The following XG variants were observed in gnomAD, a reference collection of about 807,000 sequenced individuals.
The protein encoded by XG is glycoprotein Xg.
Under a neutral mutation model 25.7 loss-of-function variants are expected in XG, and 24 were observed. That is an observed-to-expected ratio of 0.93 (90% CI 0.68 to 1.31). The LOEUF (loss-of-function observed/expected upper bound fraction) is 1.31. Among genes scored for constraint, XG ranks in the 40% most tolerant of loss-of-function variants. XG has a pLI of 0.00. For synonymous variants in XG, 77 were observed against 69.2 expected (o/e 1.11, Z -0.56); for missense variants, 181 against 187.6 (o/e 0.96, Z 0.21).
At chrX:2,801,943 G>C (rs906005572) in intron 7 of XG, among the ~76,000 whole-genome samples, 1 of 110,743 alleles carries the variant, frequency 9.0e-6, no homozygotes, top group African/African-American at 3.3e-5. Flanking sequence ...TCCTGACCTC[G>C]TGATCCGCCC....
At chrX:2,768,817 G>C (rs2050753925) in intron 1 of XG, among the ~76,000 whole-genome samples, 2 of 152,168 alleles carry the variant, frequency 1.3e-5, no homozygotes, top group South Asian at 4.1e-4. Context: ...AATAAGAAGA[G>C]AGCTGGATGG....
At chrX:2,809,085 T>A (rs1268269759) in intron 9 of XG, among the ~76,000 whole-genome samples, 2 of 110,917 alleles carry the variant, frequency 1.8e-5, no homozygotes, top group Non-Finnish European at 3.8e-5. Flanking sequence ...GGAGGTAGGG[T>A]TTCCTGGAGA....
intron 6 of XG, 111 bp from the exon 7 acceptor site, chrX:2,797,199 C>T (rs900176207): frequency 2.9e-4 from 228 of 791,570 alleles, no homozygotes; most frequent in Non-Finnish European, 4.0e-4. Flanking sequence ...GGCAGTGACA[C>T]GTTCACACGA....
At chrX:2,752,403 C>T in intron 1 of XG, 68 bp downstream of exon 1, 4 of 1,609,410 alleles carry the variant, frequency 2.5e-6, no homozygotes, top group African/African-American at 1.3e-5. Context: ...CTTTAAGAAA[C>T]TCTTTCCAAA....
At chrX:2,814,264 T>A (rs911141488) in intron 10 of XG, 100 bp from the exon 11 acceptor site, 8 of 1,015,930 alleles carry the variant, frequency 7.9e-6, no homozygotes, top group Non-Finnish European at 1.1e-5. Flanking sequence ...AAGAGTCTCT[T>A]GTAACAGCAT....
At chrX:2,796,468 ATGTGTG>A (rs200727930) in intron 6 of XG, among the ~76,000 whole-genome samples, 1 of 95,991 alleles carries the variant, frequency 1.0e-5, no homozygotes, top group Non-Finnish European at 2.0e-5. Flanking sequence ...ATTTAGGTAT[ATGTGTG>A]TGTGTGTGTG....
At chrX:2,762,947 G>C (rs1569458880) in intron 1 of XG, among the ~76,000 whole-genome samples, 1 of 152,216 alleles carries the variant, frequency 6.6e-6, no homozygotes, top group Non-Finnish European at 1.5e-5. Flanking sequence ...GCAAGAAGGT[G>C]ATTGTAGTGT....
intron 3 of XG, among the ~76,000 whole-genome samples, chrX:2,776,492 C>T (rs182335222): frequency 0.014 from 2,060 of 151,410 alleles, 13 homozygotes; most frequent in African/African-American, 0.045. Context: ...GGGAGTCAGC[C>T]TGCACGAGTT....
chrX:2,776,101 A>G lies in XG; in HGVS notation c.127+1362A>G, dbSNP rs2050982962. Among the ~76,000 whole-genome samples, 5 of 151,932 alleles carry G rather than the reference A, an allele frequency of 3.3e-5. No individual in the cohort carries two copies. In the South Asian group the frequency reaches 1.0e-3, roughly 32 times the overall value. On this transcript the variant is annotated intron_variant, in intron 3 of 10. Coordinates refer to ENST00000644266, the MANE Select transcript of XG (RefSeq NM_001141919.2). ...TCAGGAGATCGAGACCATCCTGGCT[A>G]ACACGGTATGTTGTACCTGAGCGAG...
At chrX:2,761,137 C>T (rs2050556934) in intron 1 of XG, among the ~76,000 whole-genome samples, 1 of 152,120 alleles carries the variant, frequency 6.6e-6, no homozygotes, top group Admixed American at 6.5e-5. Flanking sequence ...TCCCTAGGAC[C>T]TCAGAACATG....
intron 1 of XG, among the ~76,000 whole-genome samples, chrX:2,762,828 C>A (rs995061458): frequency 1.3e-5 from 2 of 152,090 alleles, no homozygotes; most frequent in African/African-American, 4.8e-5. Context: ...CTCTTAGGGG[C>A]CTGCCAGGCA....
intron 7 of XG, among the ~76,000 whole-genome samples, chrX:2,803,276 C>T (rs773013887): frequency 1.1e-3 from 120 of 110,691 alleles, no homozygotes; most frequent in African/African-American, 3.6e-3. Context: ...CTCAGCCTCC[C>T]GAGGAGCTGG....
chrX:2,756,557 C>G (rs1228192964), intron 1 of XG, among the ~76,000 whole-genome samples: 1 of 152,018 alleles, frequency 6.6e-6, no homozygotes, highest in African/African-American at 2.4e-5. Flanking sequence ...TACATGTACC[C>G]TGAAGCTATG....
At chrX:2,779,873 C>T (rs750009849) in intron 3 of XG, among the ~76,000 whole-genome samples, 20 of 152,200 alleles carry the variant, frequency 1.3e-4, no homozygotes, top group African/African-American at 4.8e-4. Flanking sequence ...TTTCGAACTC[C>T]TGACCTCACA....
At chrX:2,809,892 G>A (rs1417351031) in intron 9 of XG, among the ~76,000 whole-genome samples, 1 of 112,049 alleles carries the variant, frequency 8.9e-6, no homozygotes, top group Admixed American at 9.5e-5. Context: ...GAAGAGAAGC[G>A]TGCCTGGGCT....
chrX:2,758,863 C>A (rs2050494800), intron 1 of XG, among the ~76,000 whole-genome samples: 1 of 152,182 alleles, frequency 6.6e-6, no homozygotes, highest in African/African-American at 2.4e-5. Flanking sequence ...TATCGTCTAC[C>A]ATTATCCATC....
chrX:2,795,267 T>TTTAAAAATATATCTTC (rs2086874086), intron 6 of XG, among the ~76,000 whole-genome samples: 1 of 107,880 alleles, frequency 9.3e-6, no homozygotes, highest in South Asian at 3.9e-4. Context: ...AATATATCTT[T>TTTAAAAATATATCTTC]TTAAAAATAT....
chrX:2,790,505 G>GAA lies in XG; in HGVS notation c.253+815_253+816dup, dbSNP rs55649691. Among the ~76,000 whole-genome samples, 182 of 79,676 alleles carry GAA rather than the reference G, an allele frequency of 2.3e-3. 2 individuals are homozygous for GAA. In the South Asian group the frequency reaches 0.045, roughly 19 times the overall value. 69.2% of individuals were successfully genotyped at this position (79,676 alleles called of 115,157 possible). Reference sequence around the variant, plus strand: ...ACAGAGCGAGCCCCTGTCTCAAAAGGAAAAAAAAAAAAAAAAAGAAGTGCT... The same window carrying GAA: ...ACAGAGCGAGCCCCTGTCTCAAAAGGAAAAAAAAAAAAAAAAAAAGAAGTGCT... On this transcript the variant is annotated intron_variant, in intron 5 of 10. Transcript: ENST00000644266.
chrX:2,811,374 G>A lies in XG; in HGVS notation c.493G>A (p.Val165Met), dbSNP rs772307273. ...VAKIVSPIVS[V>M]VVVTLLGAAA... ...AAAAATCGTGTCTCCCATCGTATCCGTGGTGGTGGTGACACTGCTGGGAGC... is the reference window on the plus strand; with the variant it reads ...AAAAATCGTGTCTCCCATCGTATCCATGGTGGTGGTGACACTGCTGGGAGC... The change falls in exon 10 of 11, where the codon GTG becomes ATG. Residue 165 changes from valine (V) to methionine (M), a missense_variant. Physicochemically the swap from Val to Met is conservative, Grantham distance 21. Coordinates refer to ENST00000644266, the MANE Select transcript of XG (RefSeq NM_001141919.2). The A allele has an allele frequency of 5.7e-5, 69 of 1,204,442 alleles. No homozygotes were observed. The highest frequency in any genetic ancestry group is 7.2e-5 in the Non-Finnish European group (64 of 892,532).
Sources: allele counts gnomAD v4.1 joint callset (sites outside exome capture counted in the v4.1 genomes callset), GRCh38; gene constraint gnomAD v4.1.1; transcripts MANE v1.5; gene names NCBI Gene and HGNC (gene_info 2026-07-23, HGNC 2026-07-21).